The following RIMS2 variants were observed in gnomAD, a reference collection of about 807,000 sequenced individuals.
RIMS2 encodes regulating synaptic membrane exocytosis protein 2.
In RIMS2, 59 loss-of-function variants were observed where a neutral mutation model predicts 174.4. That is an observed-to-expected ratio of 0.34 (90% CI 0.27 to 0.42). The LOEUF (loss-of-function observed/expected upper bound fraction) is 0.42. Among genes scored for constraint, RIMS2 ranks in the 10% least tolerant of loss-of-function variants. RIMS2 has a pLI of 1.00. For synonymous variants in RIMS2, 606 were observed against 572.5 expected (o/e 1.06, Z -0.84); for missense variants, 1,620 against 1,666.3 (o/e 0.97, Z 0.48).
At chr8:104,051,102 G>A (rs1198080892) in intron 19 of RIMS2, among the ~76,000 whole-genome samples, 3 of 152,010 alleles carry the variant, frequency 2.0e-5, no homozygotes, top group Non-Finnish European at 4.4e-5. Context: ...AGCTGGGTGT[G>A]GTGGCACAAG....
chr8:103,573,599 G>A lies in RIMS2; in HGVS notation c.176+72537G>A, dbSNP rs117020834. Among the ~76,000 whole-genome samples, 509 of 151,962 alleles carry A rather than the reference G, an allele frequency of 3.3e-3. 3 individuals are homozygous for A. Among genetic ancestry groups the A allele is most frequent in the East Asian group, 0.03 (155 of 5,174 alleles). ...CCTGTGTCTATTTTTGTACCATATC[G>A]TTTTGGTTATTATAGCCCTGTAGTA... On this transcript the variant is annotated intron_variant, in intron 1 of 23. Transcript: ENST00000504942.
intron 12 of RIMS2, among the ~76,000 whole-genome samples, chr8:103,934,273 AG>A (rs2080718594): frequency 6.6e-6 from 1 of 152,176 alleles, no homozygotes; most frequent in Non-Finnish European, 1.5e-5. Context: ...ATTCATTAAA[AG>A]ATCATTTATT....
chr8:103,904,375 C>A (rs969420922), intron 4 of RIMS2, among the ~76,000 whole-genome samples: 19 of 151,924 alleles, frequency 1.3e-4, no homozygotes, highest in African/African-American at 4.6e-4. Flanking sequence ...AAGATATCTT[C>A]TTTGGTGAAA....
chr8:103,720,051 A>G (rs554974951), intron 2 of RIMS2, among the ~76,000 whole-genome samples: 1 of 152,184 alleles, frequency 6.6e-6, no homozygotes, highest in African/African-American at 2.4e-5. Context: ...TAATGTTACT[A>G]ATGGTCATGA....
intron 3 of RIMS2, among the ~76,000 whole-genome samples, chr8:103,854,979 A>G (rs1240038850): frequency 6.6e-6 from 1 of 152,042 alleles, no homozygotes; most frequent in Admixed American, 6.6e-5. Flanking sequence ...CTGTGAATTC[A>G]TCTGGTCCAG....
chr8:104,130,211 A>G (rs1243657878), intron 19 of RIMS2, among the ~76,000 whole-genome samples: 1 of 152,220 alleles, frequency 6.6e-6, no homozygotes, highest in Non-Finnish European at 1.5e-5. Context: ...GATATATAGT[A>G]AGATCCTGAG....
chr8:103,866,170 C>T (rs964654384), intron 3 of RIMS2, among the ~76,000 whole-genome samples: 2 of 152,114 alleles, frequency 1.3e-5, no homozygotes, highest in African/African-American at 4.8e-5. Flanking sequence ...GTATCATCAA[C>T]AAAATATTTT....
At chr8:103,961,608 C>T (rs1449869141) in intron 15 of RIMS2, among the ~76,000 whole-genome samples, 1 of 152,058 alleles carries the variant, frequency 6.6e-6, no homozygotes, top group Non-Finnish European at 1.5e-5. Context: ...ATATTTGCCT[C>T]ATTTTAAAGT....
At chr8:104,178,742 G>T (rs1320073839) in intron 19 of RIMS2, among the ~76,000 whole-genome samples, 1 of 151,714 alleles carries the variant, frequency 6.6e-6, no homozygotes, top group Admixed American at 6.6e-5. Context: ...TAGTGAGTTC[G>T]TATTTAACTG....
At chr8:103,672,696 C>T (rs1373988465) in intron 1 of RIMS2, among the ~76,000 whole-genome samples, 3 of 152,068 alleles carry the variant, frequency 2.0e-5, no homozygotes, top group Non-Finnish European at 4.4e-5. Context: ...TCACCTCCAG[C>T]ACTGGGGATT....
exon 24 of RIMS2, chr8:104,251,855 GT>G: frequency 1.3e-6 from 1 of 766,842 alleles, no homozygotes; most frequent in South Asian, 2.2e-5. Context: ...AGCAACCAGC[GT>G]TACAAAAAAA....
chr8:103,721,210 T>C (rs2097443282), intron 2 of RIMS2, among the ~76,000 whole-genome samples: 2 of 152,186 alleles, frequency 1.3e-5, no homozygotes, highest in African/African-American at 4.8e-5. Flanking sequence ...GCCATGTTTA[T>C]ATGTTTTCTG....
intron 19 of RIMS2, among the ~76,000 whole-genome samples, chr8:104,228,257 T>C (rs1191244056): frequency 6.6e-6 from 1 of 152,078 alleles, no homozygotes; most frequent in Non-Finnish European, 1.5e-5. Context: ...CTCAATCTCC[T>C]GACCTCGTGA....
chr8:103,550,320 C>A (rs1434562610), intron 1 of RIMS2, among the ~76,000 whole-genome samples: 2 of 152,174 alleles, frequency 1.3e-5, no homozygotes, highest in Admixed American at 6.5e-5. Flanking sequence ...AACTGCTCAA[C>A]TACATGGAAA....
intron 19 of RIMS2, among the ~76,000 whole-genome samples, chr8:104,141,125 A>G (rs1025063720): frequency 1.7e-4 from 13 of 78,748 alleles, no homozygotes; most frequent in Admixed American, 5.1e-4. Flanking sequence ...AACTAGCATA[A>G]AAAAAAGATA....
At chr8:103,946,342 A>C (rs1438149609) in intron 14 of RIMS2, among the ~76,000 whole-genome samples, 2 of 152,106 alleles carry the variant, frequency 1.3e-5, no homozygotes, top group African/African-American at 2.4e-5. Flanking sequence ...CAGTAGAAAA[A>C]TTAGCCTGGC....
chr8:104,071,580 A>G lies in RIMS2; in HGVS notation c.3334+56965A>G, dbSNP rs574005587. On this transcript the variant is annotated intron_variant, in intron 19 of 23. Coordinates refer to ENST00000504942, the Ensembl canonical transcript of RIMS2. ...CTCCTGAGTAGCTGGGACTACAGGCACGCGCCACCATGCCCAGCCAATTTT... is the reference window on the plus strand; with the variant it reads ...CTCCTGAGTAGCTGGGACTACAGGCGCGCGCCACCATGCCCAGCCAATTTT... Among the ~76,000 whole-genome samples, 65 of 152,230 alleles carry G rather than the reference A, an allele frequency of 4.3e-4. No homozygotes were observed. In the South Asian group the frequency reaches 4.8e-3, roughly 11 times the overall value.
chr8:104,055,631 T>C (rs1412448875), intron 19 of RIMS2, among the ~76,000 whole-genome samples: 2 of 152,188 alleles, frequency 1.3e-5, no homozygotes, highest in Non-Finnish European at 2.9e-5. Context: ...TTTTCAAAGA[T>C]ACAGGAATTG....
At chr8:103,634,352 C>G (rs2096020925) in intron 1 of RIMS2, among the ~76,000 whole-genome samples, 1 of 152,034 alleles carries the variant, frequency 6.6e-6, no homozygotes, top group African/African-American at 2.4e-5. Flanking sequence ...ATTGTGTTGA[C>G]TTGTATTTTT....
Sources: gnomAD v4.1 joint callset for allele counts (sites outside exome capture counted in the v4.1 genomes callset) on GRCh38, gnomAD v4.1.1 for gene constraint, MANE v1.5 for transcripts, NCBI Gene and HGNC (gene_info 2026-07-23, HGNC 2026-07-21) for gene names.